Variants in MGST1 observed in about 807,000 individuals in gnomAD.
MGST1 encodes the protein microsomal glutathione S-transferase 1.
A neutral mutation model predicts 8.9 loss-of-function variants in MGST1; 5 were observed. The observed-to-expected ratio is 0.56, with a 90% CI of 0.29 to 1.19. MGST1 has a LOEUF of 1.19. Among genes scored for constraint, MGST1 ranks in the 50% most tolerant of loss-of-function variants. MGST1 has a pLI of 0.08. For missense variants in MGST1, 182 were observed against 187.4 expected (o/e 0.97, Z 0.17); for synonymous variants, 54 against 67.8 (o/e 0.80, Z 1.00).
At chr12:16,436,620 A>G (rs1443146965) in intron 1 of MGST1, among the ~76,000 whole-genome samples, 2 of 152,004 alleles carry the variant, frequency 1.3e-5, no homozygotes, top group Non-Finnish European at 2.9e-5. Context: ...GATAATGATA[A>G]CAATTATTAT....
At chr12:16,533,861 C>G (rs1941738305) in intron 4 of MGST1, among the ~76,000 whole-genome samples, 1 of 152,024 alleles carries the variant, frequency 6.6e-6, no homozygotes, top group Admixed American at 6.6e-5. Context: ...AGAGAAGGTA[C>G]CTGGCAGGTG....
At chr12:16,419,890 C>T (rs921955836) in intron 1 of MGST1, among the ~76,000 whole-genome samples, 1 of 152,110 alleles carries the variant, frequency 6.6e-6, no homozygotes, top group Non-Finnish European at 1.5e-5. Context: ...TTTAAATTAG[C>T]TCCAACAGTC....
chr12:16,552,720 C>T (rs1378693098), intron 4 of MGST1, among the ~76,000 whole-genome samples: 1 of 152,088 alleles, frequency 6.6e-6, no homozygotes, highest in African/African-American at 2.4e-5. Flanking sequence ...AGACTATGCA[C>T]TGATCTTGAA....
chr12:16,367,492 A>G (rs948037744), downstream of MGST1: 33 of 152,236 alleles, frequency 2.2e-4, no homozygotes, highest in African/African-American at 8.0e-4. Context: ...GCTTTGGTCA[A>G]GCTGCCCTGG....
chr12:16,451,076 A>G (rs1941125158), intron 4 of MGST1, among the ~76,000 whole-genome samples: 1 of 151,950 alleles, frequency 6.6e-6, no homozygotes, highest in Non-Finnish European at 1.5e-5. Context: ...ATGCTCTGTA[A>G]TTTGTAAGCA....
At chr12:16,407,956 C>T (rs950195719) in intron 1 of MGST1, among the ~76,000 whole-genome samples, 7 of 133,472 alleles carry the variant, frequency 5.2e-5, no homozygotes, top group African/African-American at 1.9e-4. Flanking sequence ...TGCTTGAACT[C>T]GGGAGGTGGA....
In MGST1 at chr12:16,389,518, A is replaced by T. The variant is rs1940531979; in HGVS notation, n.778+5914A>T. Among the ~76,000 whole-genome samples the T allele has an allele frequency of 6.6e-6, 1 of 152,168 alleles. No individual in the cohort carries two copies. Among genetic ancestry groups the T allele is most frequent in the Non-Finnish European group, 1.5e-5 (1 of 68,026 alleles). ...GAAATTCCAAACTCTTGAAATTTCAATTTAAAATATTGGGTTTTCCCTGCC... is the reference window on the plus strand; with the variant it reads ...GAAATTCCAAACTCTTGAAATTTCATTTTAAAATATTGGGTTTTCCCTGCC... On this transcript the variant is annotated intron_variant and non_coding_transcript_variant, in intron 1 of 1. Coordinates refer to the MGST1 transcript ENST00000359720. The surrounding 1 kb of genome is among the most constrained non-coding windows in gnomAD (Gnocchi z 4.6).
At chr12:16,408,361 C>T (rs946213306) in intron 1 of MGST1, among the ~76,000 whole-genome samples, 4 of 152,060 alleles carry the variant, frequency 2.6e-5, no homozygotes, top group Non-Finnish European at 4.4e-5. Flanking sequence ...GCACATGTAC[C>T]CCGATCCTAA....
At chr12:16,551,654 C>T (rs1941994747) in intron 4 of MGST1, among the ~76,000 whole-genome samples, 1 of 150,808 alleles carries the variant, frequency 6.6e-6, no homozygotes, top group Admixed American at 6.6e-5. Flanking sequence ...TCTGTATTTA[C>T]ACCCATTAAA....
In MGST1 at chr12:16,405,532, TGAG is replaced by T. The variant is rs376800116; in HGVS notation, n.778+21936_778+21938del. Among the ~76,000 whole-genome samples, 285 of 152,172 alleles carry T rather than the reference TGAG, an allele frequency of 1.9e-3. 1 individual carries two copies. Among genetic ancestry groups the T allele is most frequent in the African/African-American group, 6.2e-3 (258 of 41,526 alleles). Reference sequence around the variant, plus strand: ...TTCTACTGAAACTATTCCAAAAAATTGAGGAGGAGGGACTCCTCTCCAACTCAT... The same window carrying T: ...TTCTACTGAAACTATTCCAAAAAATTGAGGAGGGACTCCTCTCCAACTCAT... On this transcript the variant is annotated intron_variant and non_coding_transcript_variant, in intron 1 of 1. Coordinates refer to the MGST1 transcript ENST00000359720.
At position 16,389,319 on chromosome 12, in the gene MGST1, A is replaced by G. The variant is rs1940530539; in HGVS notation, n.778+5715A>G. On this transcript the variant is annotated intron_variant and non_coding_transcript_variant, in intron 1 of 1. Transcript: ENST00000359720. The surrounding 1 kb of genome is among the most constrained non-coding windows in gnomAD (Gnocchi z 4.6). Reference sequence around the variant, plus strand: ...TTGAGCCAGTTATTTGTAATGCAAGAGCACAACTTGCCTAAAAATAATGTT... The same window carrying G: ...TTGAGCCAGTTATTTGTAATGCAAGGGCACAACTTGCCTAAAAATAATGTT... Among the ~76,000 whole-genome samples the G allele has an allele frequency of 6.6e-6, 1 of 152,238 alleles. No homozygotes were observed. Among genetic ancestry groups the G allele is most frequent in the South Asian group, 2.1e-4 (1 of 4,834 alleles).
rs1051479355 is a variant in MGST1, at chr12:16,560,882, C to T, written n.483-28646C>T. 1.7e-5 allele frequency: 4 copies of T among 240,740 alleles called. No individual in the cohort carries two copies. Among genetic ancestry groups the T allele is most frequent in the African/African-American group, 9.2e-5 (4 of 43,274 alleles). 14.9% of individuals were successfully genotyped at this position (240,740 alleles called of 1,614,324 possible). A position where few individuals can be genotyped will look rare whatever the true frequency, so the allele number is the denominator to read the frequency against. ...AATATAAAAGCAATATAACTTTGCT[C>T]TTAATGTTATATATTAAACATTTTA... On this transcript the variant is annotated intron_variant and non_coding_transcript_variant, in intron 4 of 4. Coordinates refer to the MGST1 transcript ENST00000538857. This position sits in a 1 kb window ranked among gnomAD's most constrained non-coding sequence, Gnocchi z 5.0.
chr12:16,573,549 G>T (rs1236368933), intron 4 of MGST1: 1 of 152,166 alleles, frequency 6.6e-6, no homozygotes, highest in African/African-American at 2.4e-5. Context: ...GGCGATAAGG[G>T]GGGCAGTTAA....
intron 4 of MGST1, chr12:16,551,369 C>T: frequency 8.8e-7 from 1 of 1,137,334 alleles, no homozygotes; most frequent in Non-Finnish European, 1.3e-6. Flanking sequence ...AAGACCATTT[C>T]ACTTGGATCT....
At chr12:16,408,071 G>A (rs549981457) in intron 1 of MGST1, among the ~76,000 whole-genome samples, 1 of 145,774 alleles carries the variant, frequency 6.9e-6, no homozygotes, top group Middle Eastern at 3.5e-3. Context: ...CAGGAACATG[G>A]ATAGAGCTGG....
chr12:16,377,508 G>A (rs888856362), downstream of MGST1, among the ~76,000 whole-genome samples: 5 of 151,826 alleles, frequency 3.3e-5, no homozygotes, highest in Admixed American at 6.6e-5. Context: ...AGTATTCCAC[G>A]GTGTATATGT....
chr12:16,368,651 G>A (rs1591707784), downstream of MGST1, among the ~76,000 whole-genome samples: 1 of 152,078 alleles, frequency 6.6e-6, no homozygotes. Flanking sequence ...GTTGAATTTG[G>A]CACCAATCTC....
chr12:16,419,570 AATATG>A (rs1187580479), intron 1 of MGST1, among the ~76,000 whole-genome samples: 2 of 152,206 alleles, frequency 1.3e-5, no homozygotes, highest in Non-Finnish European at 2.9e-5. Flanking sequence ...TATGGAGAAT[AATATG>A]ATATATTTCT....
Position 16,537,935 on chromosome 12 carries a change from C to G in MGST1, n.483-51593C>G, listed in dbSNP as rs1186871325. Among the ~76,000 whole-genome samples the G allele has an allele frequency of 1.3e-5, 2 of 152,182 alleles. No homozygotes were observed. Among genetic ancestry groups the G allele is most frequent in the African/African-American group, 4.8e-5 (2 of 41,452 alleles). The stretch of plus-strand genomic sequence containing the variant: ...TTGTCTTGGAGATTAACATGTGGCT[C>G]CTTGTTACTTATGCAAATTTCTGCA... On this transcript the variant is annotated intron_variant and non_coding_transcript_variant, in intron 4 of 4. Coordinates refer to the MGST1 transcript ENST00000538857. This position sits in a 1 kb window ranked among gnomAD's most constrained non-coding sequence, Gnocchi z 4.6.
Sources: allele counts gnomAD v4.1 joint callset (sites outside exome capture counted in the v4.1 genomes callset), GRCh38; gene constraint gnomAD v4.1.1; non-coding constraint Gnocchi (gnomAD v3.1); transcripts MANE v1.5; gene names NCBI Gene and HGNC (gene_info 2026-07-23, HGNC 2026-07-21).